CFAP299: variants seen among roughly 807,000 people sequenced by gnomAD.
CFAP299 encodes cilia- and flagella-associated protein 299.
Under a neutral mutation model 27.0 loss-of-function variants are expected in CFAP299, and 21 were observed. The observed-to-expected ratio is 0.78, with a 90% CI of 0.55 to 1.12. The LOEUF (loss-of-function observed/expected upper bound fraction) is 1.12, where lower values mean the gene tolerates loss of function less well. Ranked by LOEUF, CFAP299 falls within the 50% of genes most tolerant of loss-of-function variation. The pLI is 0.00. For synonymous variants in CFAP299, 104 were observed against 98.1 expected (o/e 1.06, Z -0.36); for missense variants, 310 against 276.6 (o/e 1.12, Z -0.86).
At chr4:80,384,373 T>G (rs1047657228) in intron 2 of CFAP299, among the ~76,000 whole-genome samples, 1 of 152,196 alleles carries the variant, frequency 6.6e-6, no homozygotes, top group Admixed American at 6.5e-5. Flanking sequence ...TCATAAATAT[T>G]TTGAATAATG....
chr4:80,924,528 GTGTGTGTGTGTA>G (rs1736204304), intron 4 of CFAP299, among the ~76,000 whole-genome samples: 1 of 140,296 alleles, frequency 7.1e-6, no homozygotes, highest in Admixed American at 7.2e-5. Flanking sequence ...GTGTGTGTGT[GTGTGTGTGTGTA>G]TATATATATA....
intron 3 of CFAP299, among the ~76,000 whole-genome samples, chr4:80,791,388 G>T (rs1727560667): frequency 6.6e-6 from 1 of 151,940 alleles, no homozygotes; most frequent in Admixed American, 6.6e-5. Flanking sequence ...GGAGATAATG[G>T]TGCCTATTCT....
intron 2 of CFAP299, among the ~76,000 whole-genome samples, chr4:80,416,716 C>T (rs2110066085): frequency 6.6e-6 from 1 of 152,198 alleles, no homozygotes; most frequent in South Asian, 2.1e-4. Flanking sequence ...TACTTAAAGA[C>T]TCATTTATAA....
In CFAP299 at chr4:80,764,382, A is replaced by G. The variant is rs573175995; in HGVS notation, c.334-105611A>G. Among the ~76,000 whole-genome samples, 9 of 152,350 alleles carry G rather than the reference A, an allele frequency of 5.9e-5. 1 individual carries two copies. In the South Asian group the frequency reaches 1.9e-3, roughly 32 times the overall value. The stretch of plus-strand genomic sequence containing the variant: ...ACTGGTCATTAGAGAAATGCAAATC[A>G]AAACCACAACGAGATACCATCTCAC... On this transcript the variant is annotated intron_variant, in intron 3 of 5. Coordinates refer to ENST00000358105, the MANE Select transcript of CFAP299 (RefSeq NM_152770.3).
intron 3 of CFAP299, among the ~76,000 whole-genome samples, chr4:80,785,230 A>T (rs1449768104): frequency 6.6e-6 from 1 of 151,812 alleles, no homozygotes; most frequent in Non-Finnish European, 1.5e-5. Flanking sequence ...GGTATGAGAC[A>T]GTTCAATTTC....
At chr4:80,904,529 T>C (rs2110198441) in intron 4 of CFAP299, among the ~76,000 whole-genome samples, 1 of 152,294 alleles carries the variant, frequency 6.6e-6, no homozygotes, top group South Asian at 2.1e-4. Flanking sequence ...CTCTTTATTT[T>C]TTTTTCAAAG....
In CFAP299 at chr4:80,688,049, A is replaced by G. The variant is rs576710037; in HGVS notation, c.333+104866A>G. 2.0e-5 allele frequency among the ~76,000 whole-genome samples: 3 copies of G among 152,308 alleles called. No individual in the cohort carries two copies. In the South Asian group the frequency reaches 6.2e-4, roughly 32 times the overall value. On this transcript the variant is annotated intron_variant, in intron 3 of 5. Transcript: ENST00000358105. The stretch of plus-strand genomic sequence containing the variant: ...GGCTCGGAGGGTCCTACACCCACGG[A>G]GTCTCGCTGATTGGTAGCACAGCAG...
chr4:80,504,555 GA>G (rs909108044), intron 2 of CFAP299, among the ~76,000 whole-genome samples: 3 of 134,054 alleles, frequency 2.2e-5, no homozygotes, highest in African/African-American at 5.5e-5. Flanking sequence ...TTCCTCGGGA[GA>G]AAAAAAATGA....
intron 4 of CFAP299, among the ~76,000 whole-genome samples, chr4:80,905,906 C>T (rs901961455): frequency 6.6e-6 from 1 of 152,166 alleles, no homozygotes. Flanking sequence ...CATCATTCCA[C>T]CCTTGGCCCC....
At chr4:80,731,808 G>A (rs560848856) in intron 3 of CFAP299, among the ~76,000 whole-genome samples, 6 of 151,874 alleles carry the variant, frequency 4.0e-5, no homozygotes, top group Admixed American at 1.3e-4. Flanking sequence ...ATTATTACCT[G>A]TTCATTTTCT....
chr4:80,386,517 G>C (rs565130064), intron 2 of CFAP299: 38 of 1,489,286 alleles, frequency 2.6e-5, no homozygotes, highest in African/African-American at 7.2e-5. Context: ...GGTGGTGGGG[G>C]GGGGGGGTGC....
At chr4:80,805,031 T>A (rs1728794435) in intron 3 of CFAP299, among the ~76,000 whole-genome samples, 1 of 152,106 alleles carries the variant, frequency 6.6e-6, no homozygotes, top group South Asian at 2.1e-4. Context: ...TTGTGTACGT[T>A]CTATAGCTAT....
intron 2 of CFAP299, among the ~76,000 whole-genome samples, chr4:80,548,364 G>T (rs1342721802): frequency 6.6e-6 from 1 of 152,082 alleles, no homozygotes; most frequent in Non-Finnish European, 1.5e-5. Context: ...GGAAACAATA[G>T]GTACTAGGTA....
chr4:80,539,677 G>C (rs865952566), intron 2 of CFAP299, among the ~76,000 whole-genome samples: 3 of 152,184 alleles, frequency 2.0e-5, no homozygotes, highest in African/African-American at 7.2e-5. Context: ...GCTAAAGCTG[G>C]ATAATAGAAG....
intron 2 of CFAP299, among the ~76,000 whole-genome samples, chr4:80,391,819 T>C (rs1361201092): frequency 6.6e-6 from 1 of 152,022 alleles, no homozygotes; most frequent in African/African-American, 2.4e-5. Flanking sequence ...ATTACAAAAT[T>C]AGCCAGGCAT....
chr4:80,370,880 T>C (rs1724110719), intron 2 of CFAP299, among the ~76,000 whole-genome samples: 1 of 152,222 alleles, frequency 6.6e-6, no homozygotes, highest in Non-Finnish European at 1.5e-5. Flanking sequence ...GCCCTCTTCT[T>C]ACATCTCCAC....
At chr4:80,893,910 G>T (rs925416861) in intron 4 of CFAP299, among the ~76,000 whole-genome samples, 3 of 151,764 alleles carry the variant, frequency 2.0e-5, no homozygotes, top group Non-Finnish European at 4.4e-5. Flanking sequence ...GAAACAATCA[G>T]CAGAATAAAG....
At chr4:80,504,528 G>T (rs1731917346) in intron 2 of CFAP299, among the ~76,000 whole-genome samples, 1 of 109,886 alleles carries the variant, frequency 9.1e-6, no homozygotes, top group African/African-American at 3.4e-5. Flanking sequence ...AGAATGCAAT[G>T]AATTCTTTTT....
rs111320700 is a variant in CFAP299 at position 80,547,674 on chromosome 4, A to G, written c.243-35419A>G. ...AATCTGTAAGGAACTTAAACAAATC[A>G]GCAAGCAAAAAACCAATAACCCCAT... On this transcript the variant is annotated intron_variant, in intron 2 of 5. Transcript: ENST00000358105. Among the ~76,000 whole-genome samples, 637 of 151,528 alleles carry G rather than the reference A, an allele frequency of 4.2e-3. 4 individuals carry two copies. Among genetic ancestry groups the G allele is most frequent in the African/African-American group, 0.014 (601 of 41,498 alleles).
Sources: allele counts gnomAD v4.1 joint callset (sites outside exome capture counted in the v4.1 genomes callset), GRCh38; gene constraint gnomAD v4.1.1; transcripts MANE v1.5; gene names NCBI Gene and HGNC (gene_info 2026-07-23, HGNC 2026-07-21).